Variants in ATP8A1 observed in about 807,000 individuals in gnomAD.
ATP8A1 encodes ATPase phospholipid transporting 8A1, also known as phospholipid-transporting ATPase IA.
In ATP8A1, 90 loss-of-function variants were observed where a neutral mutation model predicts 177.7. The ratio of observed to expected loss-of-function variants is 0.51; its 90% CI spans 0.43 to 0.60. The LOEUF (loss-of-function observed/expected upper bound fraction) is 0.60. ATP8A1 is among the 20% of genes least tolerant of loss of function. ATP8A1 has a pLI of 0.00. For missense variants in ATP8A1, 1,072 were observed against 1,392.8 expected (o/e 0.77, Z 3.67); for synonymous variants, 493 against 485.9 (o/e 1.01, Z -0.19).
chr4:42,448,579 G>T (rs1033752835), intron 30 of ATP8A1, among the ~76,000 whole-genome samples: 5 of 150,946 alleles, frequency 3.3e-5, no homozygotes, highest in African/African-American at 1.2e-4. Context: ...TGTATTTTTG[G>T]TAGAGACGGG....
intron 7 of ATP8A1, among the ~76,000 whole-genome samples, chr4:42,590,279 T>C (rs1305942083): frequency 6.6e-6 from 1 of 152,150 alleles, no homozygotes; most frequent in Non-Finnish European, 1.5e-5. Context: ...CGGTACAAAA[T>C]GTGCAACATC....
At position 42,530,462 on chromosome 4, in the gene ATP8A1, T is replaced by G. The variant is rs116514703; in HGVS notation, c.1723-5615A>C. Among the ~76,000 whole-genome samples, 1,127 of 152,360 alleles carry G rather than the reference T, an allele frequency of 7.4e-3. 8 individuals carry two copies. The highest frequency in any genetic ancestry group is 0.025 in the African/African-American group (1,056 of 41,590). ...GACTACCATCTGTGGACTCAAGATCTTCCACACAGTACTGCCTCTGACCAA... is the reference window on the plus strand; with the variant it reads ...GACTACCATCTGTGGACTCAAGATCGTCCACACAGTACTGCCTCTGACCAA... On this transcript the variant is annotated intron_variant, in intron 20 of 36. Coordinates refer to ENST00000381668, the MANE Select transcript of ATP8A1 (RefSeq NM_006095.2).
At chr4:42,420,355 C>T (rs1713756959) in intron 35 of ATP8A1, among the ~76,000 whole-genome samples, 1 of 152,192 alleles carries the variant, frequency 6.6e-6, no homozygotes, top group Non-Finnish European at 1.5e-5. Flanking sequence ...CTAACACATT[C>T]CTGAGTTCTT....
intron 1 of ATP8A1, among the ~76,000 whole-genome samples, chr4:42,636,141 C>CAT: frequency 5.0e-5 from 2 of 39,690 alleles, no homozygotes; most frequent in Non-Finnish European, 1.3e-4. Context: ...CACACACACA[C>CAT]ACACACACAC....
rs966678854 is a variant in ATP8A1, at chr4:42,543,978, T to C, written c.1661A>G (p.Lys554Arg). Residue 554 changes from lysine (K) to arginine (R), a missense_variant, in exon 20 of 37, where the codon AAA becomes AGA. Around this residue, in one of 5 missense-constraint regions of ATP8A1, gnomAD observed 388 missense variants for 471.7 expected, o/e 0.82. Transcript: ENST00000381668. ...LNVLEFTSAR[K>R]RMSVIVRTPS... is the part of the protein sequence containing the mutation. ...AGTGCGAACAATCACTGACATTCTT[T>C]TCCTAGCACTGAAAGAAAGAGGTTT... The C allele has an allele frequency of 6.2e-7, 1 of 1,613,180 alleles. No homozygotes were observed. Among genetic ancestry groups the C allele is most frequent in the African/African-American group, 1.3e-5 (1 of 74,920 alleles).
intron 17 of ATP8A1, 47 bp downstream of exon 17, chr4:42,552,458 A>G (rs766703054): frequency 3.4e-6 from 5 of 1,456,700 alleles, no homozygotes; most frequent in Non-Finnish European, 4.7e-6. Flanking sequence ...TTTTACATTC[A>G]GAACAATTTT....
intron 21 of ATP8A1, 91 bp from the exon 22 acceptor site, chr4:42,522,390 GAA>G (rs1413906265): frequency 6.9e-7 from 1 of 1,440,204 alleles, no homozygotes; most frequent in South Asian, 1.3e-5. Context: ...GTCCCATTTT[GAA>G]AAAAGTGATT....
At chr4:42,588,487 G>T in intron 7 of ATP8A1, 158 bp from the exon 8 acceptor site, 2 of 597,492 alleles carry the variant, frequency 3.3e-6, no homozygotes, top group Non-Finnish European at 2.8e-6. Context: ...AAGATGCTGT[G>T]AGGCAGAACC....
chr4:42,424,335 TA>T (rs1329261223), intron 33 of ATP8A1, among the ~76,000 whole-genome samples: 3 of 152,038 alleles, frequency 2.0e-5, no homozygotes, highest in Admixed American at 6.5e-5. Flanking sequence ...GCAATTATAA[TA>T]AAAAATATCT....
chr4:42,634,934 T>C (rs1386562489), intron 1 of ATP8A1, among the ~76,000 whole-genome samples: 1 of 152,198 alleles, frequency 6.6e-6, no homozygotes, highest in Non-Finnish European at 1.5e-5. Context: ...GTTAGCAATG[T>C]AGCACAATAC....
intron 25 of ATP8A1, among the ~76,000 whole-genome samples, chr4:42,477,448 T>C (rs1721188375): frequency 1.3e-5 from 2 of 152,274 alleles, no homozygotes; most frequent in South Asian, 4.1e-4. Context: ...GAAAGAATTA[T>C]ACATATACGC....
rs373123815 is a variant in ATP8A1, at chr4:42,446,601, C to G, written c.2940G>C (p.Leu980=). 6.2e-7 allele frequency: 1 copy of G among 1,613,814 alleles called. No homozygotes were observed. Among genetic ancestry groups the G allele is most frequent in the East Asian group, 2.2e-5 (1 of 44,878 alleles). Residue 980 remains leucine, a synonymous_variant, in exon 31 of 37, where the codon CTG becomes CTC. Transcript: ENST00000381668. Reference sequence around the variant, plus strand: ...CACTCACAGTGTACACAAAGTTTCCCAGTAGCAGATAATCCGAGGTTTTCC... The same window carrying G: ...CACTCACAGTGTACACAAAGTTTCCGAGTAGCAGATAATCCGAGGTTTTCC... ...GNGKTSDYLL[L]GNFVYTFVVI...
chr4:42,557,230 G>T (rs1730330368), intron 15 of ATP8A1, among the ~76,000 whole-genome samples: 1 of 152,234 alleles, frequency 6.6e-6, no homozygotes, highest in South Asian at 2.1e-4. Context: ...ACCCTTGGGG[G>T]CCAAAGTGAA....
chr4:42,633,386 GA>G (rs1422583446), intron 1 of ATP8A1, among the ~76,000 whole-genome samples: 19 of 152,106 alleles, frequency 1.2e-4, no homozygotes, highest in African/African-American at 4.6e-4. Context: ...TTTTTCATCC[GA>G]AATATCATGA....
At chr4:42,588,672 T>A (rs1733867909) in intron 7 of ATP8A1, 1 of 161,502 alleles carries the variant, frequency 6.2e-6, no homozygotes, top group South Asian at 2.0e-4. Flanking sequence ...AAAGCAGTTT[T>A]GTGTCCGGAT....
chr4:42,442,791 G>T (rs921188600), intron 33 of ATP8A1, among the ~76,000 whole-genome samples: 1 of 152,214 alleles, frequency 6.6e-6, no homozygotes, highest in Non-Finnish European at 1.5e-5. Context: ...TGGGACTGCG[G>T]TAAAACAATG....
rs376966152 is a variant in ATP8A1, at chr4:42,479,996, T to TTGTGTGTGTGTGTGTG, written c.2324+5484_2324+5499dup. On this transcript the variant is annotated intron_variant, in intron 25 of 36. Transcript: ENST00000381668. ...AGAATTATGTAATCTGCAGTTCTGC[T>TTGTGTGTGTGTGTGTG]TGTGTGTGTGTGTGTGTGTGTGTGT... Among the ~76,000 whole-genome samples, 482 of 135,640 alleles carry TTGTGTGTGTGTGTGTG rather than the reference T, an allele frequency of 3.6e-3. 2 individuals are homozygous for TTGTGTGTGTGTGTGTG. Among genetic ancestry groups the TTGTGTGTGTGTGTGTG allele is most frequent in the East Asian group, 9.2e-3 (42 of 4,570 alleles). 89.0% of individuals were successfully genotyped at this position (135,640 alleles called of 152,430 possible).
intron 5 of ATP8A1, among the ~76,000 whole-genome samples, chr4:42,607,326 A>G: frequency 6.6e-6 from 1 of 152,366 alleles, no homozygotes; most frequent in Admixed American, 6.5e-5. Flanking sequence ...AGCTCACAAC[A>G]TAAAAAAAAG....
chr4:42,413,778 A>G (rs978833947), intron 36 of ATP8A1, among the ~76,000 whole-genome samples: 2 of 152,218 alleles, frequency 1.3e-5, no homozygotes, highest in Non-Finnish European at 2.9e-5. Context: ...GAACCCACTG[A>G]TAGAAAGGGC....
Sources: allele counts gnomAD v4.1 joint callset (sites outside exome capture counted in the v4.1 genomes callset), GRCh38; gene constraint gnomAD v4.1.1; regional missense constraint gnomAD v4.1.1; transcripts MANE v1.5; gene names NCBI Gene and HGNC (gene_info 2026-07-23, HGNC 2026-07-21).